MYOC: variants seen among roughly 807,000 people sequenced by gnomAD.
The protein encoded by MYOC is juvenile-onset open-angle glaucoma 1.
MYOC carries 29 observed loss-of-function variants against 28.2 expected under a neutral mutation model. That is an observed-to-expected ratio of 1.03 (90% CI 0.77 to 1.40). The LOEUF (loss-of-function observed/expected upper bound fraction) is 1.40. Ranked by LOEUF, MYOC falls within the 40% of genes most tolerant of loss-of-function variation. The pLI, the probability that MYOC is intolerant of heterozygous loss-of-function variation, is 0.00. For synonymous variants in MYOC, 240 were observed against 245.6 expected (o/e 0.98, Z 0.21); for missense variants, 569 against 620.6 (o/e 0.92, Z 0.88).
At chr1:171,640,550 A>G (rs1241250048) in intron 1 of MYOC, among the ~76,000 whole-genome samples, 1 of 152,162 alleles carries the variant, frequency 6.6e-6, no homozygotes, top group African/African-American at 2.4e-5. Flanking sequence ...CCTGGGCAAC[A>G]TGGTGAAATC....
At chr1:171,642,843 A>G (rs1477632124) in intron 1 of MYOC, among the ~76,000 whole-genome samples, 3 of 151,532 alleles carry the variant, frequency 2.0e-5, no homozygotes, top group African/African-American at 7.3e-5. Context: ...CTCAAGAAAA[A>G]AAGGTGTCTA....
intron 1 of MYOC, 32 bp from the exon 2 acceptor site, chr1:171,638,754 G>A (rs1212584782): frequency 2.5e-6 from 4 of 1,611,996 alleles, no homozygotes; most frequent in African/African-American, 1.3e-5. Flanking sequence ...AAATTTTACT[G>A]TAAGAAAAAA....
chr1:171,636,625 C>T lies in MYOC; in HGVS notation c.815G>A (p.Arg272Gln), dbSNP rs1483207236. 2.5e-6 allele frequency: 4 copies of T among 1,612,290 alleles called. No homozygotes were observed. Among genetic ancestry groups the T allele is most frequent in the Admixed American group, 1.7e-5 (1 of 59,966 alleles). The change falls in exon 3 of 3, where the codon CGA (arginine) becomes CAA (glutamine). Residue 272 changes from arginine (R) to glutamine (Q), a missense_variant. Transcript: ENST00000037502. ...TITGKYGVWM[R>Q]DPKPTYPYTQ... ...GTAGGGGTAGGTGGGCTTGGGGTCT[C>T]GCATCCACACACCATACTTGCCAGT... is the stretch of plus-strand genomic sequence containing the variant.
rs1220296487 is a variant in MYOC at position 171,652,161 on chromosome 1, C to A, written c.451G>T (p.Val151Phe). The change falls in exon 1 of 3, where the codon GTT (valine) becomes TTT (phenylalanine). Residue 151 changes from valine to phenylalanine, a missense_variant. Val to Phe is a conservative substitution (Grantham distance 50). Transcript: ENST00000037502. ...AGTCGCTTCTTCTCTTCCTCCAGAA[C>A]TGACTTGTCTCGGAGGAGGTTGCTG... ...AYSNLLRDKS[V>F]LEEEKKRLRQ... 1.2e-6 allele frequency: 2 copies of A among 1,614,076 alleles called. No individual in the cohort carries two copies. The highest frequency in any genetic ancestry group is 2.7e-5 in the African/African-American group (2 of 74,916).
chr1:171,649,099 G>A (rs1653291213), intron 1 of MYOC, among the ~76,000 whole-genome samples: 1 of 151,798 alleles, frequency 6.6e-6, no homozygotes, highest in Non-Finnish European at 1.5e-5. Context: ...ATATAACTTT[G>A]TAGTAATAGT....
chr1:171,639,639 G>A (rs1388163738), intron 1 of MYOC, among the ~76,000 whole-genome samples: 1 of 106,596 alleles, frequency 9.4e-6, no homozygotes, highest in African/African-American at 4.3e-5. Context: ...AGCAAGGCCC[G>A]GTCTCAAGGT....
chr1:171,644,436 G>C (rs1011126675), intron 1 of MYOC, among the ~76,000 whole-genome samples: 3 of 151,984 alleles, frequency 2.0e-5, no homozygotes, highest in African/African-American at 7.2e-5. Context: ...ACCAGTCAGT[G>C]GGGAGAAAAT....
At chr1:171,641,067 G>A (rs1021091309) in intron 1 of MYOC, among the ~76,000 whole-genome samples, 1 of 152,194 alleles carries the variant, frequency 6.6e-6, no homozygotes, top group Admixed American at 6.5e-5. Context: ...TGTTGTGCGT[G>A]CTGATGCAGG....
chr1:171,639,946 G>GAAAAA (rs1175117891), intron 1 of MYOC, among the ~76,000 whole-genome samples: 870 of 46,976 alleles, frequency 0.019, 174 homozygotes, highest in African/African-American at 0.063. Flanking sequence ...TCTGTCTCAA[G>GAAAAA]AAAAAAAAAA....
intron 1 of MYOC, 137 bp from the exon 2 acceptor site, chr1:171,638,859 C>T (rs550775574): frequency 2.2e-4 from 194 of 888,692 alleles, no homozygotes; most frequent in Non-Finnish European, 2.8e-4. Context: ...TTTGGGAGGC[C>T]GAGGCAGGCG....
At chr1:171,643,074 C>A (rs753845681) in intron 1 of MYOC, among the ~76,000 whole-genome samples, 1 of 152,114 alleles carries the variant, frequency 6.6e-6, no homozygotes, top group Non-Finnish European at 1.5e-5. Flanking sequence ...GTCTCCTTCT[C>A]CCTATCTGAG....
chr1:171,637,707 G>A (rs1003053211), intron 2 of MYOC, among the ~76,000 whole-genome samples: 1 of 152,010 alleles, frequency 6.6e-6, no homozygotes, highest in Non-Finnish European at 1.5e-5. Context: ...CTGCCTCCTG[G>A]GTTCAAGCAA....
intron 1 of MYOC, among the ~76,000 whole-genome samples, chr1:171,642,060 C>G (rs1467075184): frequency 6.6e-6 from 1 of 152,186 alleles, no homozygotes; most frequent in Non-Finnish European, 1.5e-5. Flanking sequence ...AAAATTTCTC[C>G]CTGGAAGGAG....
intron 1 of MYOC, among the ~76,000 whole-genome samples, chr1:171,651,340 C>G (rs1178163398): frequency 7.1e-6 from 1 of 141,442 alleles, no homozygotes; most frequent in Middle Eastern, 3.6e-3. Flanking sequence ...ACCTCACCCC[C>G]GCACCCCCCC....
chr1:171,636,231 G>C lies in MYOC; in HGVS notation c.1209C>G (p.Leu403=), dbSNP rs748201066. 1 of 1,614,058 alleles carries C rather than the reference G, an allele frequency of 6.2e-7. No homozygotes were observed. The highest frequency in any genetic ancestry group is 8.5e-7 in the Non-Finnish European group (1 of 1,180,042). Residue 403 remains leucine, a synonymous_variant, in exon 3 of 3, where the codon CTC becomes CTG. Coordinates refer to ENST00000037502, the MANE Select transcript of MYOC (RefSeq NM_000261.2). ...STDEAKGAIV[L]SKLNPENLEL... ...CCAGATTCTCTGGGTTCAGTTTGGA[G>C]AGGACAATGGCACCTTTGGCCTCAT... is the stretch of plus-strand genomic sequence containing the variant.
Position 171,636,237 on chromosome 1 carries a change from A to G in MYOC, c.1203T>C (p.Ile401=). The part of the protein sequence containing the change: ...IYSTDEAKGA[I]VLSKLNPENL... ...TCTCTGGGTTCAGTTTGGAGAGGAC[A>G]ATGGCACCTTTGGCCTCATCGGTGC... Residue 401 remains isoleucine (I), a synonymous_variant, in exon 3 of 3, where the codon ATT becomes ATC. Coordinates refer to ENST00000037502, the MANE Select transcript of MYOC (RefSeq NM_000261.2). The G allele has an allele frequency of 6.2e-7, 1 of 1,614,146 alleles. No individual in the cohort carries two copies. Among genetic ancestry groups the G allele is most frequent in the Admixed American group, 1.7e-5 (1 of 60,016 alleles).
intron 1 of MYOC, among the ~76,000 whole-genome samples, chr1:171,649,529 C>A (rs577335167): frequency 1.8e-4 from 28 of 152,040 alleles, no homozygotes; most frequent in Non-Finnish European, 4.0e-4. Flanking sequence ...ACAGGGAGGG[C>A]TCACACCTGT....
At chr1:171,641,015 C>T (rs1001908923) in intron 1 of MYOC, among the ~76,000 whole-genome samples, 3 of 152,096 alleles carry the variant, frequency 2.0e-5, no homozygotes, top group Admixed American at 1.3e-4. Flanking sequence ...ATAGAAGGCG[C>T]AACACCAAAA....
rs1344039930 is a variant in MYOC at position 171,636,359 on chromosome 1, G to A, written c.1081C>T (p.Pro361Ser). 6.2e-7 allele frequency: 1 copy of A among 1,613,834 alleles called. No homozygotes were observed. The highest frequency in any genetic ancestry group is 8.5e-7 in the Non-Finnish European group (1 of 1,180,008). The change falls in exon 3 of 3, where the codon CCT (proline) becomes TCT (serine). Residue 361 changes from proline (P) to serine (S), a missense_variant. Coordinates refer to ENST00000037502, the MANE Select transcript of MYOC (RefSeq NM_000261.2). ...TETVKAEKEI[P>S]GAGYHGQFPY... Reference sequence around the variant, plus strand: ...AACTGTCCGTGGTAGCCAGCTCCAGGGATTTCCTTCTCAGCCTTCACTGTC... The same window carrying A: ...AACTGTCCGTGGTAGCCAGCTCCAGAGATTTCCTTCTCAGCCTTCACTGTC...
Sources: allele counts gnomAD v4.1 joint callset (sites outside exome capture counted in the v4.1 genomes callset), GRCh38; gene constraint gnomAD v4.1.1; transcripts MANE v1.5; gene names NCBI Gene and HGNC (gene_info 2026-07-23, HGNC 2026-07-21).